Variants in SH3KBP1 observed in about 807,000 individuals in gnomAD.
SH3KBP1 encodes the protein SH3 domain-containing kinase-binding protein 1.
Under a neutral mutation model 50.1 loss-of-function variants are expected in SH3KBP1, and 8 were observed. That is an observed-to-expected ratio of 0.16 (90% CI 0.09 to 0.29). The LOEUF (loss-of-function observed/expected upper bound fraction) is 0.29. SH3KBP1 is among the 10% of genes least tolerant of loss of function. The pLI is 1.00. For missense variants in SH3KBP1, 377 were observed against 535.2 expected (o/e 0.70, Z 2.92); for synonymous variants, 227 against 218.6 (o/e 1.04, Z -0.34).
At chrX:19,681,877 T>C (rs982791590) in intron 6 of SH3KBP1, among the ~76,000 whole-genome samples, 1 of 110,538 alleles carries the variant, frequency 9.0e-6, no homozygotes, top group Non-Finnish European at 1.9e-5. Context: ...TTTCAAAGGT[T>C]CTCCCTGGCT....
At chrX:19,735,809 C>T (rs1285742847) in intron 3 of SH3KBP1, among the ~76,000 whole-genome samples, 2 of 106,609 alleles carry the variant, frequency 1.9e-5, no homozygotes, top group African/African-American at 6.9e-5. Flanking sequence ...CTGCAAGCTC[C>T]GCCTCCCGGG....
intron 2 of SH3KBP1, among the ~76,000 whole-genome samples, chrX:19,766,206 T>C (rs1164273519): frequency 1.8e-5 from 2 of 111,020 alleles, no homozygotes; most frequent in Non-Finnish European, 3.8e-5. Flanking sequence ...GCAGCCATCC[T>C]AATGGGTATG....
chrX:19,648,292 A>C (rs1227686665), intron 6 of SH3KBP1, among the ~76,000 whole-genome samples: 1 of 107,828 alleles, frequency 9.3e-6, no homozygotes. Context: ...GAAGGAAAGA[A>C]GGAGAAGGAG....
intron 6 of SH3KBP1, among the ~76,000 whole-genome samples, chrX:19,651,830 ACAGTCAGT>A (rs760163287): frequency 9.8e-5 from 11 of 111,864 alleles, no homozygotes; most frequent in Non-Finnish European, 1.5e-4. Context: ...CCTCATCTCT[ACAGTCAGT>A]CAGTCAGTCA....
At chrX:19,638,497 A>C (rs2061772425) in intron 7 of SH3KBP1, among the ~76,000 whole-genome samples, 4 of 111,087 alleles carry the variant, frequency 3.6e-5, no homozygotes, top group South Asian at 7.6e-4. Context: ...GCTTGTAAAA[A>C]TAGATCAACT....
At chrX:19,868,862 C>G (rs1168965045) in intron 1 of SH3KBP1, among the ~76,000 whole-genome samples, 1 of 108,827 alleles carries the variant, frequency 9.2e-6, no homozygotes, top group African/African-American at 3.4e-5. Flanking sequence ...CCAATCCCCA[C>G]AAAGTATGTC....
rs533484682 is a variant in SH3KBP1 at position 19,599,886 on chromosome X, G to A, written c.1006-4886C>T. Among the ~76,000 whole-genome samples, 5 of 110,342 alleles carry A rather than the reference G, an allele frequency of 4.5e-5. No individual in the cohort carries two copies. The South Asian group carries it at 1.9e-3, about 42-fold the overall frequency. On this transcript the variant is annotated intron_variant, in intron 9 of 17. Coordinates refer to ENST00000397821, the MANE Select transcript of SH3KBP1 (RefSeq NM_031892.3). ...ACAGGCGCCAGGCGCGGTGGCTCAC[G>A]CCTGTAATCCCAGCACTTTGGGAGG... is the stretch of plus-strand genomic sequence containing the variant.
At chrX:19,807,905 G>A (rs1486213417) in intron 2 of SH3KBP1, among the ~76,000 whole-genome samples, 1 of 112,723 alleles carries the variant, frequency 8.9e-6, no homozygotes, top group Non-Finnish European at 1.9e-5. Context: ...ATAGAAGGTA[G>A]CAGATACTAA....
At chrX:19,819,233 G>A (rs2067447019) in intron 2 of SH3KBP1, among the ~76,000 whole-genome samples, 1 of 112,093 alleles carries the variant, frequency 8.9e-6, no homozygotes, top group Admixed American at 9.5e-5. Context: ...TTTAATAGCT[G>A]CAGAATCTGT....
chrX:19,714,506 A>AT lies in SH3KBP1; in HGVS notation c.287-7523dup, dbSNP rs199626461. On this transcript the variant is annotated intron_variant, in intron 3 of 17. Coordinates refer to ENST00000397821, the MANE Select transcript of SH3KBP1 (RefSeq NM_031892.3). ...CCTACAAAAATTAAAAATAAAATTT[A>AT]TTTAAAAAAAAGAAAATAAAATGTG... Among the ~76,000 whole-genome samples the AT allele has an allele frequency of 2.4e-3, 247 of 102,161 alleles. 2 individuals carry two copies. The highest frequency in any genetic ancestry group is 0.016 in the Admixed American group (156 of 9,561). The allele number at this position is 102,161 out of a possible 115,157, so 88.7% of individuals were successfully genotyped here.
At chrX:19,843,673 C>G (rs1303401814) in intron 1 of SH3KBP1, among the ~76,000 whole-genome samples, 1 of 111,523 alleles carries the variant, frequency 9.0e-6, no homozygotes, top group Non-Finnish European at 1.9e-5. Context: ...GAACTCTCTC[C>G]CTGGGCAGGA....
chrX:19,611,431 G>A (rs2067411809), intron 8 of SH3KBP1, among the ~76,000 whole-genome samples: 1 of 111,473 alleles, frequency 9.0e-6, no homozygotes, highest in African/African-American at 3.3e-5. Context: ...TCGGCTCACT[G>A]CAACCTCCGC....
At chrX:19,697,850 G>A (rs972081096) in intron 4 of SH3KBP1, among the ~76,000 whole-genome samples, 7 of 112,048 alleles carry the variant, frequency 6.2e-5, no homozygotes, top group Non-Finnish European at 1.3e-4. Flanking sequence ...TAAGTTTAGA[G>A]CATTTATAAG....
rs2065335390 is a variant in SH3KBP1 at position 19,760,021 on chromosome X, C to CT, written c.163-13581dup. 1.6e-4 allele frequency among the ~76,000 whole-genome samples: 15 copies of CT among 93,990 alleles called. 1 individual carries two copies. In the South Asian group the frequency reaches 7.0e-3, roughly 44 times the overall value. 81.6% of individuals were successfully genotyped at this position (93,990 alleles called of 115,157 possible). A position where few individuals can be genotyped will look rare whatever the true frequency, so the allele number is the denominator to read the frequency against. On this transcript the variant is annotated intron_variant, in intron 2 of 17. Coordinates refer to ENST00000397821, the MANE Select transcript of SH3KBP1 (RefSeq NM_031892.3). ...TAAATCAGTCTCGGTCTCTCTCTCT[C>CT]TCCTCTCTCTCTCTCTCTCCCTCTC...
chrX:19,645,807 G>C (rs2061976452), intron 6 of SH3KBP1, among the ~76,000 whole-genome samples: 1 of 112,044 alleles, frequency 8.9e-6, no homozygotes, highest in South Asian at 3.7e-4. Flanking sequence ...AGCTGACTCA[G>C]TCTATGGAGG....
chrX:19,706,751 T>A (rs1416382886), intron 4 of SH3KBP1, 130 bp downstream of exon 4: 7 of 488,815 alleles, frequency 1.4e-5, no homozygotes, highest in Middle Eastern at 5.9e-4. Context: ...GACAGGAGAC[T>A]CAACTAGAGG....
chrX:19,757,249 C>T (rs1274478171), intron 2 of SH3KBP1, among the ~76,000 whole-genome samples: 1 of 104,624 alleles, frequency 9.6e-6, no homozygotes, highest in Admixed American at 1.1e-4. Flanking sequence ...AACTGGGTCA[C>T]GCAAACCTGC....
At chrX:19,843,371 G>A (rs1473813552) in intron 1 of SH3KBP1, among the ~76,000 whole-genome samples, 2 of 110,354 alleles carry the variant, frequency 1.8e-5, no homozygotes, top group African/African-American at 6.6e-5. Flanking sequence ...GTCTGCACAA[G>A]GCCAAGTTCT....
chrX:19,772,268 T>A, intron 2 of SH3KBP1, among the ~76,000 whole-genome samples: 1 of 111,616 alleles, frequency 9.0e-6, no homozygotes, highest in Non-Finnish European at 1.9e-5. Flanking sequence ...AGTCTGTTCA[T>A]CTTCTGGGAG....
Sources: allele counts gnomAD v4.1 joint callset (sites outside exome capture counted in the v4.1 genomes callset), GRCh38; gene constraint gnomAD v4.1.1; transcripts MANE v1.5; gene names NCBI Gene and HGNC (gene_info 2026-07-23, HGNC 2026-07-21).